ETV6: variants seen among roughly 807,000 people sequenced by gnomAD.
The protein encoded by ETV6 is ETS variant transcription factor 6.
In ETV6, 16 loss-of-function variants were observed where a neutral mutation model predicts 51.1. The ratio of observed to expected loss-of-function variants is 0.31; its 90% CI spans 0.21 to 0.48. The LOEUF is 0.48. ETV6 is among the 20% of genes least tolerant of loss of function. The pLI is 0.99. For missense variants in ETV6, 458 were observed against 594.8 expected (o/e 0.77, Z 2.39); for synonymous variants, 240 against 224.1 (o/e 1.07, Z -0.64).
At chr12:11,795,309 G>A (rs949843808) in intron 2 of ETV6, among the ~76,000 whole-genome samples, 18 of 152,358 alleles carry the variant, frequency 1.2e-4, no homozygotes, top group South Asian at 4.1e-4. Flanking sequence ...CTGTCAGTCC[G>A]CTGGTGGCCG....
chr12:11,780,532 C>T (rs1945398852), intron 2 of ETV6, among the ~76,000 whole-genome samples: 1 of 152,152 alleles, frequency 6.6e-6, no homozygotes, highest in Non-Finnish European at 1.5e-5. Flanking sequence ...CAAAAGGATA[C>T]TTGGCAGCCC....
chr12:11,817,962 G>A (rs527246021), intron 2 of ETV6, among the ~76,000 whole-genome samples: 1 of 152,342 alleles, frequency 6.6e-6, no homozygotes, highest in East Asian at 1.9e-4. Context: ...GGCCTTAAAG[G>A]AGATGTGAGT....
chr12:11,818,058 G>C (rs537660413), intron 2 of ETV6, among the ~76,000 whole-genome samples: 1 of 152,320 alleles, frequency 6.6e-6, no homozygotes, highest in South Asian at 2.1e-4. Flanking sequence ...ACAGGGAGGG[G>C]TGTTGGGAGG....
In ETV6 at chr12:11,771,778, T is replaced by G. The variant is rs531830413; in HGVS notation, c.163+19199T>G. Among the ~76,000 whole-genome samples the G allele has an allele frequency of 8.5e-5, 13 of 152,350 alleles. No individual in the cohort carries two copies. In the South Asian group the frequency reaches 2.1e-3, roughly 24 times the overall value. ...GAGTAAACCAAGACTCTTCTGAGAATGCAGTGTTCTCTCAGATTTCAACTA... is the reference window on the plus strand; with the variant it reads ...GAGTAAACCAAGACTCTTCTGAGAAGGCAGTGTTCTCTCAGATTTCAACTA... On this transcript the variant is annotated intron_variant, in intron 2 of 7. Transcript: ENST00000396373.
intron 1 of ETV6, among the ~76,000 whole-genome samples, chr12:11,736,090 T>C (rs1267442368): frequency 6.6e-6 from 1 of 152,230 alleles, no homozygotes; most frequent in African/African-American, 2.4e-5. Context: ...AAGTTTTTTT[T>C]CCCTCTAGCC....
intron 3 of ETV6, among the ~76,000 whole-genome samples, chr12:11,841,610 C>G (rs1364871518): frequency 3.3e-5 from 5 of 152,148 alleles, no homozygotes; most frequent in Non-Finnish European, 7.3e-5. Flanking sequence ...GAAATTCATT[C>G]CATGAGTATT....
chr12:11,847,367 T>C (rs1946480943), intron 3 of ETV6, among the ~76,000 whole-genome samples: 1 of 152,144 alleles, frequency 6.6e-6, no homozygotes, highest in African/African-American at 2.4e-5. Context: ...TCACGGAATG[T>C]GGTTCTGGAG....
intron 1 of ETV6, among the ~76,000 whole-genome samples, chr12:11,686,772 C>T (rs117272816): frequency 0.05 from 7,574 of 152,252 alleles, 231 homozygotes; most frequent in Non-Finnish European, 0.073. Context: ...AGTGATTGGC[C>T]TCCCACAGTG....
chr12:11,862,857 G>C (rs1442105586), intron 4 of ETV6, among the ~76,000 whole-genome samples: 1 of 152,216 alleles, frequency 6.6e-6, no homozygotes, highest in Non-Finnish European at 1.5e-5. Context: ...ATGAAATATA[G>C]TTTGAATTCC....
intron 1 of ETV6, among the ~76,000 whole-genome samples, chr12:11,740,555 C>G (rs1865789611): frequency 7.3e-6 from 1 of 137,006 alleles, no homozygotes; most frequent in African/African-American, 2.6e-5. Flanking sequence ...CATATTCATG[C>G]CACTGTTCTC....
chr12:11,811,332 C>T (rs1243920003), intron 2 of ETV6, among the ~76,000 whole-genome samples: 1 of 152,222 alleles, frequency 6.6e-6, no homozygotes, highest in South Asian at 2.1e-4. Flanking sequence ...TTCCAAGAAG[C>T]AGTGTCTTTT....
At chr12:11,745,534 T>C (rs1865892175) in intron 1 of ETV6, among the ~76,000 whole-genome samples, 1 of 152,168 alleles carries the variant, frequency 6.6e-6, no homozygotes, top group Non-Finnish European at 1.5e-5. Flanking sequence ...GCCACATATA[T>C]CCTTAATGCC....
intron 2 of ETV6, among the ~76,000 whole-genome samples, chr12:11,770,040 C>T (rs1211652606): frequency 6.6e-6 from 1 of 152,142 alleles, no homozygotes; most frequent in Non-Finnish European, 1.5e-5. Flanking sequence ...TGGAATTCAC[C>T]ATCCTTTCCT....
chr12:11,857,276 T>C (rs557413242), intron 4 of ETV6, among the ~76,000 whole-genome samples: 7 of 152,350 alleles, frequency 4.6e-5, no homozygotes, highest in African/African-American at 1.2e-4. Flanking sequence ...CATGCCTTCG[T>C]TAGTAGCCAC....
Position 11,892,211 on chromosome 12 carries a change from T to TA in ETV6, c.*1165_*1166insA. 2.0e-5 allele frequency: 1 copy of TA among 50,380 alleles called. No homozygotes were observed. The highest frequency in any genetic ancestry group is 4.2e-5 in the Non-Finnish European group (1 of 23,732). The allele number at this position is 50,380 out of a possible 1,614,324, so 3.1% of individuals were successfully genotyped here. A position where few individuals can be genotyped will look rare whatever the true frequency, so the allele number is the denominator to read the frequency against. ...TGGTCAGTTTCATGCCCTCACCTGA[T>TA]TTTTTTTTTTTTTTTTTTTTTTCAA... On this transcript the variant is annotated 3_prime_UTR_variant, in exon 8 of 8. Coordinates refer to ENST00000396373, the MANE Select transcript of ETV6 (RefSeq NM_001987.5).
intron 5 of ETV6, 126 bp from the exon 6 acceptor site, chr12:11,884,319 G>A (rs901765969): frequency 2.9e-6 from 3 of 1,047,608 alleles, no homozygotes; most frequent in Non-Finnish European, 4.3e-6. Context: ...AAACAAGGAA[G>A]TTAGTTAGAC....
At chr12:11,697,432 G>T (rs1864897262) in intron 1 of ETV6, among the ~76,000 whole-genome samples, 1 of 152,188 alleles carries the variant, frequency 6.6e-6, no homozygotes, top group South Asian at 2.1e-4. Flanking sequence ...TCAAGAAACG[G>T]CTTAAAGGTT....
chr12:11,766,865 G>C (rs575929041), intron 2 of ETV6, among the ~76,000 whole-genome samples: 1 of 152,266 alleles, frequency 6.6e-6, no homozygotes, highest in East Asian at 1.9e-4. Flanking sequence ...TTGGGAGCTG[G>C]GTCTGAATTC....
intron 1 of ETV6, among the ~76,000 whole-genome samples, chr12:11,683,843 T>C (rs947333721): frequency 1.3e-5 from 2 of 152,160 alleles, no homozygotes; most frequent in Non-Finnish European, 2.9e-5. Flanking sequence ...TCCTGTGGCA[T>C]TCTGTCTCAT....
Sources: gnomAD v4.1 joint callset for allele counts (sites outside exome capture counted in the v4.1 genomes callset) on GRCh38, gnomAD v4.1.1 for gene constraint, MANE v1.5 for transcripts, NCBI Gene and HGNC (gene_info 2026-07-23, HGNC 2026-07-21) for gene names.